TMPRSS11D: variants seen among roughly 807,000 people sequenced by gnomAD.
TMPRSS11D encodes the protein transmembrane serine protease 11D.
Under a neutral mutation model 44.4 loss-of-function variants are expected in TMPRSS11D, and 32 were observed. The observed-to-expected ratio is 0.72, with a 90% CI of 0.54 to 0.97. The LOEUF is 0.97. Ranked by LOEUF, TMPRSS11D falls within the 50% of genes least tolerant of loss-of-function variation. The probability of loss-of-function intolerance (pLI) is 0.00; values close to 1 mark genes in which losing one functional copy is unlikely to be tolerated. For missense variants in TMPRSS11D, 446 were observed against 502.6 expected (o/e 0.89, Z 1.08); for synonymous variants, 179 against 177.9 (o/e 1.01, Z -0.05).
intron 3 of TMPRSS11D, among the ~76,000 whole-genome samples, chr4:67,853,440 A>C (rs1321028817): frequency 1.3e-5 from 2 of 152,232 alleles, no homozygotes; most frequent in Non-Finnish European, 2.9e-5. Flanking sequence ...TTATATTCTT[A>C]GGACTTTTTT....
rs551453682 is a variant in TMPRSS11D at position 67,838,379 on chromosome 4, A to G, written c.318-50T>C. 127 of 1,453,346 alleles carry G rather than the reference A, an allele frequency of 8.7e-5. No homozygotes were observed. The South Asian group carries it at 1.6e-3, about 19-fold the overall frequency. 90.0% of individuals were successfully genotyped at this position (1,453,346 alleles called of 1,614,324 possible). On this transcript the variant is annotated intron_variant, in intron 4 of 9. Coordinates refer to ENST00000283916, the MANE Select transcript of TMPRSS11D (RefSeq NM_004262.3). ...AAAACAAATAATATGACAATTTTTC[A>G]CCATCCTGTTTATATATTCTTCTTG...
chr4:67,848,850 T>C (rs1560542647), intron 3 of TMPRSS11D, among the ~76,000 whole-genome samples: 1 of 152,230 alleles, frequency 6.6e-6, no homozygotes, highest in African/African-American at 2.4e-5. Flanking sequence ...TTGAAGCATT[T>C]GGTTTTATCA....
chr4:67,822,116 A>G lies in TMPRSS11D; in HGVS notation c.*221T>C. On this transcript the variant is annotated 3_prime_UTR_variant, in exon 10 of 10. Transcript: ENST00000283916. ...ATTAGTTTAGTGTGTTTCTTCTGTT[A>G]CACAGCCACAGTACTATGCAACATT... 1 of 479,072 alleles carries G rather than the reference A, an allele frequency of 2.1e-6. No individual in the cohort carries two copies. The highest frequency in any genetic ancestry group is 3.7e-6 in the Non-Finnish European group (1 of 272,400). The allele number at this position is 479,072 out of a possible 1,614,324, so 29.7% of individuals were successfully genotyped here.
intron 7 of TMPRSS11D, among the ~76,000 whole-genome samples, chr4:67,827,737 C>T (rs1380951871): frequency 6.6e-6 from 1 of 152,058 alleles, no homozygotes; most frequent in East Asian, 1.9e-4. Context: ...TTTTAGAAAA[C>T]ATATCGTGGG....
intron 3 of TMPRSS11D, among the ~76,000 whole-genome samples, chr4:67,848,193 T>G (rs6834437): frequency 0.72 from 108,881 of 152,182 alleles, 41,407 homozygotes; most frequent in Middle Eastern, 0.85. Flanking sequence ...GACATTTGTT[T>G]CAATGTCACT....
At chr4:67,873,528 A>C (rs1055758103) in intron 1 of TMPRSS11D, among the ~76,000 whole-genome samples, 21 of 152,176 alleles carry the variant, frequency 1.4e-4, no homozygotes, top group Admixed American at 2.6e-4. Context: ...TGCACAGGTT[A>C]AATAAATAAA....
chr4:67,842,655 C>A (rs201482173), intron 3 of TMPRSS11D, 30 bp from the exon 4 acceptor site: 104 of 1,570,894 alleles, frequency 6.6e-5, no homozygotes, highest in Non-Finnish European at 8.5e-5. Flanking sequence ...GGGAATCTCT[C>A]TGTAAATACA....
At chr4:67,883,852 G>C in intron 1 of TMPRSS11D, 74 bp downstream of exon 1, 1 of 1,310,850 alleles carries the variant, frequency 7.6e-7, no homozygotes, top group Non-Finnish European at 1.0e-6. Context: ...AATTTGCTAA[G>C]CTTCTTTATA....
chr4:67,833,481 T>C (rs902325060), intron 6 of TMPRSS11D, 100 bp from the exon 7 acceptor site: 1 of 1,144,932 alleles, frequency 8.7e-7, no homozygotes, highest in Non-Finnish European at 1.2e-6. Flanking sequence ...TTATGTCTTA[T>C]ACATTCTTCC....
chr4:67,877,533 T>C (rs1719220700), intron 1 of TMPRSS11D, among the ~76,000 whole-genome samples: 1 of 152,220 alleles, frequency 6.6e-6, no homozygotes, highest in Non-Finnish European at 1.5e-5. Context: ...ATCTTTCACA[T>C]ATCTCTATTC....
At chr4:67,830,720 C>G (rs1242871708) in intron 7 of TMPRSS11D, among the ~76,000 whole-genome samples, 1 of 152,024 alleles carries the variant, frequency 6.6e-6, no homozygotes, top group African/African-American at 2.4e-5. Context: ...TCTCTTCCTT[C>G]CACTCGTTTA....
At chr4:67,828,856 T>G (rs1182852966) in intron 7 of TMPRSS11D, among the ~76,000 whole-genome samples, 2 of 152,108 alleles carry the variant, frequency 1.3e-5, no homozygotes, top group Non-Finnish European at 2.9e-5. Context: ...ACATTTGGGA[T>G]GCTGAAGGCA....
intron 1 of TMPRSS11D, among the ~76,000 whole-genome samples, 161 bp downstream of exon 1, chr4:67,883,765 C>T (rs372681365): frequency 6.6e-5 from 10 of 152,072 alleles, no homozygotes; most frequent in African/African-American, 2.4e-4. Flanking sequence ...TAATATCAAG[C>T]ATATTATCTA....
chr4:67,836,554 A>G (rs1306133672), intron 5 of TMPRSS11D, among the ~76,000 whole-genome samples: 3 of 152,226 alleles, frequency 2.0e-5, no homozygotes, highest in Admixed American at 1.3e-4. Context: ...GCCATTCTTA[A>G]TTTTTTGAAC....
At chr4:67,876,446 T>A (rs921221273) in intron 1 of TMPRSS11D, among the ~76,000 whole-genome samples, 3 of 152,118 alleles carry the variant, frequency 2.0e-5, no homozygotes, top group African/African-American at 7.2e-5. Flanking sequence ...ATTTTTATTT[T>A]AAAATATTTA....
chr4:67,855,046 G>A (rs1052331102), intron 2 of TMPRSS11D, among the ~76,000 whole-genome samples: 11 of 152,090 alleles, frequency 7.2e-5, no homozygotes, highest in African/African-American at 1.2e-4. Context: ...CACGAGGTCC[G>A]GAGTTCGAGA....
At chr4:67,848,708 G>T (rs1169760791) in intron 3 of TMPRSS11D, among the ~76,000 whole-genome samples, 2 of 152,160 alleles carry the variant, frequency 1.3e-5, no homozygotes, top group Non-Finnish European at 2.9e-5. Flanking sequence ...CAGAATGAAT[G>T]GCACATGCAC....
intron 3 of TMPRSS11D, among the ~76,000 whole-genome samples, chr4:67,846,860 A>G (rs1033648758): frequency 2.0e-5 from 3 of 152,154 alleles, no homozygotes; most frequent in Non-Finnish European, 4.4e-5. Context: ...ACATTGCTAA[A>G]CATATTTTCA....
At chr4:67,851,082 G>A (rs1718496940) in intron 3 of TMPRSS11D, among the ~76,000 whole-genome samples, 1 of 152,180 alleles carries the variant, frequency 6.6e-6, no homozygotes, top group Non-Finnish European at 1.5e-5. Flanking sequence ...TACACAGACT[G>A]AGAACTTTGG....
Sources: allele counts gnomAD v4.1 joint callset (sites outside exome capture counted in the v4.1 genomes callset), GRCh38; gene constraint gnomAD v4.1.1; transcripts MANE v1.5; gene names NCBI Gene and HGNC (gene_info 2026-07-23, HGNC 2026-07-21).